CFAP221: variants seen among roughly 807,000 people sequenced by gnomAD.
The protein encoded by CFAP221 is cilia and flagella associated protein 221, also known as cilia- and flagella-associated protein 221.
CFAP221 carries 97 observed loss-of-function variants against 113.1 expected under a neutral mutation model. The ratio of observed to expected loss-of-function variants is 0.86; its 90% CI spans 0.73 to 1.02. The LOEUF (loss-of-function observed/expected upper bound fraction) is 1.02. Among genes scored for constraint, CFAP221 ranks in the 50% least tolerant of loss-of-function variants. CFAP221 has a pLI of 0.00. For synonymous variants in CFAP221, 331 were observed against 354.4 expected (o/e 0.93, Z 0.74); for missense variants, 1,025 against 1,013.4 (o/e 1.01, Z -0.16).
intron 13 of CFAP221, among the ~76,000 whole-genome samples, chr2:119,612,155 G>C (rs1324319495): frequency 6.6e-6 from 1 of 152,182 alleles, no homozygotes. Flanking sequence ...ACAGATTTGG[G>C]ACCTTGGCAA....
At chr2:119,614,329 A>T (rs932483881) in intron 13 of CFAP221, among the ~76,000 whole-genome samples, 21 of 152,190 alleles carry the variant, frequency 1.4e-4, no homozygotes, top group African/African-American at 5.1e-4. Context: ...ATTTTTGAGT[A>T]TTTTTATAGT....
intron 21 of CFAP221, among the ~76,000 whole-genome samples, chr2:119,640,355 A>G (rs149713000): frequency 0.015 from 2,291 of 152,288 alleles, 34 homozygotes; most frequent in Non-Finnish European, 0.024. Flanking sequence ...CACACAGAAA[A>G]CAGCCCTGCT....
intron 20 of CFAP221, among the ~76,000 whole-genome samples, chr2:119,639,298 T>C (rs1687328367): frequency 6.6e-6 from 1 of 152,208 alleles, no homozygotes; most frequent in Non-Finnish European, 1.5e-5. Context: ...AATGCCCTCG[T>C]GACCTGCCTG....
chr2:119,555,650 G>T (rs1680739657), intron 3 of CFAP221, among the ~76,000 whole-genome samples: 1 of 152,194 alleles, frequency 6.6e-6, no homozygotes, highest in African/African-American at 2.4e-5. Flanking sequence ...AATGCAGGCT[G>T]GGCACTGAGA....
At chr2:119,645,103 GCT>G (rs377302067) in intron 21 of CFAP221, among the ~76,000 whole-genome samples, 42 of 135,872 alleles carry the variant, frequency 3.1e-4, no homozygotes, top group South Asian at 4.8e-4. Context: ...CATTCCTTTA[GCT>G]CTCTCTCTCT....
intron 20 of CFAP221, among the ~76,000 whole-genome samples, chr2:119,639,167 A>G (rs1687319335): frequency 6.6e-6 from 1 of 152,132 alleles, no homozygotes; most frequent in Non-Finnish European, 1.5e-5. Flanking sequence ...TGCTGCAGTC[A>G]GCCTTCCCTT....
chr2:119,645,997 A>C (rs537119117), intron 21 of CFAP221, among the ~76,000 whole-genome samples: 1 of 152,358 alleles, frequency 6.6e-6, no homozygotes, highest in African/African-American at 2.4e-5. Flanking sequence ...AAAAGTGCTC[A>C]TTCCATCCAC....
intron 6 of CFAP221, among the ~76,000 whole-genome samples, chr2:119,584,440 A>G (rs1439435838): frequency 1.3e-5 from 2 of 152,078 alleles, no homozygotes; most frequent in African/African-American, 4.8e-5. Flanking sequence ...TTTAAAAACT[A>G]GCTAGGTATG....
intron 9 of CFAP221, 32 bp from the exon 10 acceptor site, chr2:119,604,844 T>C: frequency 6.2e-7 from 1 of 1,612,012 alleles, no homozygotes; most frequent in Non-Finnish European, 8.5e-7. Context: ...AGGGGCAGAC[T>C]AACTGATTTC....
intron 6 of CFAP221, among the ~76,000 whole-genome samples, chr2:119,577,592 C>T (rs953706275): frequency 6.6e-6 from 1 of 152,120 alleles, no homozygotes; most frequent in African/African-American, 2.4e-5. Context: ...CTCCACTTCA[C>T]CATTTATTAA....
intron 5 of CFAP221, among the ~76,000 whole-genome samples, chr2:119,560,945 C>T (rs954348581): frequency 6.6e-6 from 1 of 151,886 alleles, no homozygotes; most frequent in African/African-American, 2.4e-5. Context: ...TCAAGAAGCA[C>T]ATTTCCTTAA....
At chr2:119,601,506 A>T (rs1423120084) in intron 8 of CFAP221, 129 bp downstream of exon 8, 6 of 863,466 alleles carry the variant, frequency 6.9e-6, no homozygotes, top group Non-Finnish European at 1.0e-5. Context: ...ATGAGCCAAC[A>T]TAAGATATAC....
chr2:119,627,611 A>G, intron 15 of CFAP221, 42 bp from the exon 16 acceptor site: 1 of 1,583,964 alleles, frequency 6.3e-7, no homozygotes, highest in Non-Finnish European at 8.6e-7. Flanking sequence ...CCATAAAAAT[A>G]CCTTTAGTAC....
intron 19 of CFAP221, among the ~76,000 whole-genome samples, chr2:119,636,543 T>C (rs1029915581): frequency 6.6e-6 from 1 of 152,190 alleles, no homozygotes; most frequent in Non-Finnish European, 1.5e-5. Context: ...GAAGTCCTTG[T>C]CTTGCATAGT....
At chr2:119,625,871 G>A (rs539125498) in intron 15 of CFAP221, 183 bp downstream of exon 15, 1 of 581,750 alleles carries the variant, frequency 1.7e-6, no homozygotes, top group Non-Finnish European at 3.0e-6. Flanking sequence ...CCAGAGACTA[G>A]GTTAGTCATC....
intron 7 of CFAP221, among the ~76,000 whole-genome samples, chr2:119,599,052 C>G (rs1317036029): frequency 6.6e-6 from 1 of 152,158 alleles, no homozygotes; most frequent in Admixed American, 6.5e-5. Flanking sequence ...AGTTTCTATC[C>G]AGCTGGTCTT....
chr2:119,589,333 C>A (rs1378543138), intron 7 of CFAP221, among the ~76,000 whole-genome samples: 1 of 152,246 alleles, frequency 6.6e-6, no homozygotes, highest in Non-Finnish European at 1.5e-5. Context: ...GCAGCTCAGG[C>A]AATCTTTGTG....
At chr2:119,630,337 A>G (rs1225800076) in intron 17 of CFAP221, among the ~76,000 whole-genome samples, 6 of 152,220 alleles carry the variant, frequency 3.9e-5, no homozygotes, top group African/African-American at 9.6e-5. Flanking sequence ...GCCGTGTAGT[A>G]TGGTTGAGTA....
At chr2:119,578,190 G>T (rs1233178388) in intron 6 of CFAP221, among the ~76,000 whole-genome samples, 5 of 152,238 alleles carry the variant, frequency 3.3e-5, no homozygotes, top group African/African-American at 7.2e-5. Flanking sequence ...GATACCAGTT[G>T]CTTAGGCCTT....
Sources: gnomAD v4.1 joint callset for allele counts (sites outside exome capture counted in the v4.1 genomes callset) on GRCh38, gnomAD v4.1.1 for gene constraint, MANE v1.5 for transcripts, NCBI Gene and HGNC (gene_info 2026-07-23, HGNC 2026-07-21) for gene names.